Variants in NRG3 observed in about 807,000 individuals in gnomAD.
NRG3 encodes the protein pro-neuregulin-3, membrane-bound isoform.
NRG3 carries 31 observed loss-of-function variants against 66.9 expected under a neutral mutation model. The ratio of observed to expected loss-of-function variants is 0.46; its 90% CI spans 0.35 to 0.63. The LOEUF is 0.63. NRG3 is among the 20% of genes least tolerant of loss of function. NRG3 has a pLI of 0.00. For synonymous variants in NRG3, 393 were observed against 359.4 expected (o/e 1.09, Z -1.06); for missense variants, 910 against 878.9 (o/e 1.04, Z -0.45).
intron 1 of NRG3, among the ~76,000 whole-genome samples, chr10:82,234,400 C>T (rs1419551692): frequency 6.6e-6 from 1 of 152,330 alleles, no homozygotes; most frequent in East Asian, 1.9e-4. Context: ...TTCAAAGCAG[C>T]TGATCACAGT....
chr10:82,655,137 G>T (rs1002787032), intron 2 of NRG3, among the ~76,000 whole-genome samples: 2 of 151,728 alleles, frequency 1.3e-5, no homozygotes, highest in Admixed American at 1.3e-4. Context: ...ATGGATCAAG[G>T]ATTTTCGTGT....
At chr10:82,809,949 T>G (rs1250272031) in intron 3 of NRG3, among the ~76,000 whole-genome samples, 1 of 152,074 alleles carries the variant, frequency 6.6e-6, no homozygotes, top group African/African-American at 2.4e-5. Context: ...AGGTTTTTTT[T>G]TTTCTTATAA....
intron 1 of NRG3, among the ~76,000 whole-genome samples, chr10:82,285,846 C>T (rs1564748864): frequency 6.6e-6 from 1 of 152,160 alleles, no homozygotes; most frequent in African/African-American, 2.4e-5. Context: ...TCAGAGCTGC[C>T]CTACCTCAGA....
In NRG3 at chr10:82,958,982, A is replaced by G. The variant is rs765688017; in HGVS notation, c.1191A>G (p.Lys397=). The change falls in exon 6 of 9, where the codon AAA becomes AAG. Residue 397 remains lysine, a synonymous_variant. Coordinates refer to ENST00000372141, the MANE Select transcript of NRG3 (RefSeq NM_001010848.4). ...CTAAACAAATCCAAGAGCAGCTGAA[A>G]GTGCCACAAAATGGTAAAAGCTACA... ...KQAKQIQEQL[K]VPQNGKSYSL... The G allele has an allele frequency of 6.2e-7, 1 of 1,604,420 alleles. No homozygotes were observed. The highest frequency in any genetic ancestry group is 1.3e-5 in the African/African-American group (1 of 74,428).
chr10:82,435,129 A>G (rs1270260177), intron 2 of NRG3, among the ~76,000 whole-genome samples: 1 of 151,850 alleles, frequency 6.6e-6, no homozygotes, highest in Non-Finnish European at 1.5e-5. Context: ...AGAGCTTGTT[A>G]TTGGTTTATT....
intron 2 of NRG3, among the ~76,000 whole-genome samples, chr10:82,429,036 T>G (rs1490541556): frequency 6.6e-6 from 1 of 152,042 alleles, no homozygotes; most frequent in Non-Finnish European, 1.5e-5. Context: ...GTTATTTGCT[T>G]AGTTTTTGTC....
intron 2 of NRG3, among the ~76,000 whole-genome samples, chr10:82,629,009 T>C (rs2049621155): frequency 6.6e-6 from 1 of 152,192 alleles, no homozygotes; most frequent in African/African-American, 2.4e-5. Flanking sequence ...CTGCTTAGAC[T>C]TTCTGAAATT....
chr10:82,912,295 T>C (rs1845396114), intron 4 of NRG3, among the ~76,000 whole-genome samples: 1 of 152,206 alleles, frequency 6.6e-6, no homozygotes, highest in Non-Finnish European at 1.5e-5. Flanking sequence ...CCCTTGTAGT[T>C]CTTCTAGTTT....
At chr10:82,902,424 C>T (rs547369837) in intron 4 of NRG3, among the ~76,000 whole-genome samples, 2 of 151,884 alleles carry the variant, frequency 1.3e-5, no homozygotes, top group South Asian at 2.1e-4. Flanking sequence ...TAAAGAAAGA[C>T]GTAATAGTCA....
intron 1 of NRG3, among the ~76,000 whole-genome samples, chr10:82,253,438 G>C (rs1193089671): frequency 1.3e-5 from 2 of 152,082 alleles, no homozygotes; most frequent in African/African-American, 4.8e-5. Context: ...ATACATTCAG[G>C]TCATCTCTAA....
intron 2 of NRG3, among the ~76,000 whole-genome samples, chr10:82,617,247 GAC>G (rs2048721445): frequency 7.1e-6 from 1 of 139,918 alleles, no homozygotes; most frequent in Non-Finnish European, 1.5e-5. Flanking sequence ...ACACCACACA[GAC>G]ACACATACAC....
At chr10:82,122,027 C>A (rs752885354) in intron 1 of NRG3, among the ~76,000 whole-genome samples, 1 of 152,080 alleles carries the variant, frequency 6.6e-6, no homozygotes, top group African/African-American at 2.4e-5. Flanking sequence ...AGCAGTATGA[C>A]CTTGAGTAAG....
intron 1 of NRG3, among the ~76,000 whole-genome samples, chr10:82,005,859 C>A (rs1030757278): frequency 6.6e-6 from 1 of 150,518 alleles, no homozygotes; most frequent in Admixed American, 6.6e-5. Flanking sequence ...GACAATATTT[C>A]AAAAAATTCC....
intron 3 of NRG3, among the ~76,000 whole-genome samples, chr10:82,817,382 A>AT (rs907776822): frequency 2.0e-5 from 3 of 152,276 alleles, no homozygotes; most frequent in East Asian, 1.9e-4. Context: ...GATATGGTAG[A>AT]TTTTTTCTAT....
intron 1 of NRG3, among the ~76,000 whole-genome samples, chr10:81,918,826 A>AAAAAAAAAAACG (rs1400440175): frequency 2.6e-5 from 4 of 151,420 alleles, no homozygotes; most frequent in Non-Finnish European, 5.9e-5. Flanking sequence ...TGCAAAAAAC[A>AAAAAAAAAAACG]AAAACAAACA....
At chr10:82,522,830 T>A (rs1312313356) in intron 2 of NRG3, among the ~76,000 whole-genome samples, 1 of 152,208 alleles carries the variant, frequency 6.6e-6, no homozygotes, top group Non-Finnish European at 1.5e-5. Flanking sequence ...ATTTAATAGT[T>A]TTTAGTAAAA....
intron 8 of NRG3, among the ~76,000 whole-genome samples, chr10:82,979,715 T>C (rs1384441032): frequency 6.6e-6 from 1 of 152,158 alleles, no homozygotes; most frequent in Non-Finnish European, 1.5e-5. Flanking sequence ...CACAGATCCA[T>C]AGAGGCCTCA....
chr10:82,823,429 A>G (rs1407255459), intron 3 of NRG3, among the ~76,000 whole-genome samples: 1 of 152,216 alleles, frequency 6.6e-6, no homozygotes, highest in African/African-American at 2.4e-5. Flanking sequence ...CTCATTTCAC[A>G]CATTTATCAA....
intron 5 of NRG3, among the ~76,000 whole-genome samples, chr10:82,952,198 C>T (rs543975752): frequency 4.6e-5 from 7 of 152,074 alleles, no homozygotes; most frequent in African/African-American, 9.6e-5. Context: ...GTTGAGGGGC[C>T]GAGGCAAGTG....
Sources: gnomAD v4.1 joint callset for allele counts (sites outside exome capture counted in the v4.1 genomes callset) on GRCh38, gnomAD v4.1.1 for gene constraint, MANE v1.5 for transcripts, NCBI Gene and HGNC (gene_info 2026-07-23, HGNC 2026-07-21) for gene names.